Variants in EPHA3 observed in about 807,000 individuals in gnomAD.
The protein encoded by EPHA3 is EPH receptor A3, also known as ephrin type-A receptor 3.
EPHA3 carries 42 observed loss-of-function variants against 107.1 expected under a neutral mutation model. The ratio of observed to expected loss-of-function variants is 0.39; its 90% CI spans 0.31 to 0.51. EPHA3 has a LOEUF of 0.51. EPHA3 is among the 20% of genes least tolerant of loss of function. The pLI is 0.78. For missense variants in EPHA3, 1,183 were observed against 1,211.2 expected (o/e 0.98, Z 0.35); for synonymous variants, 461 against 424.8 (o/e 1.09, Z -1.05).
intron 5 of EPHA3, among the ~76,000 whole-genome samples, chr3:89,351,291 T>G (rs369345762): frequency 1.3e-5 from 2 of 149,964 alleles, no homozygotes; most frequent in African/African-American, 4.9e-5. Context: ...TAGGACCCTC[T>G]GAGCCAGGTG....
At chr3:89,236,376 T>C (rs1704761212) in intron 3 of EPHA3, among the ~76,000 whole-genome samples, 1 of 138,520 alleles carries the variant, frequency 7.2e-6, no homozygotes. Flanking sequence ...AATGAATTAC[T>C]ACACTACAAT....
chr3:89,481,222 T>C lies in EPHA3; in HGVS notation c.*1720T>C. On this transcript the variant is annotated 3_prime_UTR_variant, in exon 17 of 17. Transcript: ENST00000336596. Reference sequence around the variant, plus strand: ...GCAAATCAAAACTCACAAGTGCTCATCTGTTGTAGATTTAGTGTAATAAGA... The same window carrying C: ...GCAAATCAAAACTCACAAGTGCTCACCTGTTGTAGATTTAGTGTAATAAGA... 4.3e-6 allele frequency: 1 copy of C among 232,300 alleles called. No individual in the cohort carries two copies. The highest frequency in any genetic ancestry group is 8.5e-6 in the Non-Finnish European group (1 of 117,454). The allele number at this position is 232,300 out of a possible 1,614,324, so 14.4% of individuals were successfully genotyped here. A position where few individuals can be genotyped will look rare whatever the true frequency, so the allele number is the denominator to read the frequency against.
At chr3:89,157,954 A>C (rs1321307780) in intron 2 of EPHA3, among the ~76,000 whole-genome samples, 2 of 151,926 alleles carry the variant, frequency 1.3e-5, no homozygotes, top group African/African-American at 4.8e-5. Flanking sequence ...AACCCTGAGA[A>C]AGTGAGATAA....
intron 3 of EPHA3, among the ~76,000 whole-genome samples, chr3:89,211,725 TTTCTTCTTCTTCTTCTCCTTCTTC>T (rs200618366): frequency 0.15 from 17,190 of 111,958 alleles, 2,600 homozygotes; most frequent in Admixed American, 0.18. Context: ...TCTTCTTCTT[TTTCTTCTTCTTCTTCTCCTTCTTC>T]TTCTTCTTCT....
intron 2 of EPHA3, among the ~76,000 whole-genome samples, chr3:89,145,762 A>G (rs1576182108): frequency 6.6e-6 from 1 of 150,796 alleles, no homozygotes; most frequent in African/African-American, 2.4e-5. Context: ...TTCCTGAGGA[A>G]TTTTTTTTTC....
intron 2 of EPHA3, among the ~76,000 whole-genome samples, chr3:89,176,497 T>TA (rs55877149): frequency 0.035 from 3,512 of 100,464 alleles, 141 homozygotes; most frequent in African/African-American, 0.11. Flanking sequence ...ATTCCATCTC[T>TA]AAAAAAAAAA....
chr3:89,114,700 A>G (rs1707212541), intron 1 of EPHA3, among the ~76,000 whole-genome samples: 1 of 151,900 alleles, frequency 6.6e-6, no homozygotes, highest in Admixed American at 6.6e-5. Context: ...TAGCGAGCGG[A>G]GAGCGAAGGT....
In EPHA3 at chr3:89,236,238, C is replaced by CA. The variant is rs1235843921; in HGVS notation, c.814+25724dup. On this transcript the variant is annotated intron_variant, in intron 3 of 16. Transcript: ENST00000336596. ...TTTCTTCTCCTAAATATATACCCCC[C>CA]AAAAAACCCTTGCATATGTTTAGCA... 8.6e-5 allele frequency among the ~76,000 whole-genome samples: 13 copies of CA among 151,816 alleles called. No individual in the cohort carries two copies. In the East Asian group the frequency reaches 2.5e-3, roughly 29 times the overall value.
rs536885388 is a variant in EPHA3, at chr3:89,232,852, T to A, written c.814+22332T>A. On this transcript the variant is annotated intron_variant, in intron 3 of 16. Coordinates refer to ENST00000336596, the MANE Select transcript of EPHA3 (RefSeq NM_005233.6). ...CCTATCATTCATTGAGGTCATTTCT[T>A]GTACCAAAATTAGAAAGATAACAGG... is the stretch of plus-strand genomic sequence containing the variant. 1.6e-3 allele frequency among the ~76,000 whole-genome samples: 243 copies of A among 152,320 alleles called. 1 individual carries two copies. The highest frequency in any genetic ancestry group is 5.7e-3 in the African/African-American group (235 of 41,578).
intron 6 of EPHA3, among the ~76,000 whole-genome samples, chr3:89,397,738 C>A (rs568838057): frequency 2.0e-5 from 3 of 152,174 alleles, no homozygotes; most frequent in Non-Finnish European, 4.4e-5. Context: ...CATGCGCCAC[C>A]ATGCCCAACT....
chr3:89,205,577 T>C (rs533886943), intron 2 of EPHA3, among the ~76,000 whole-genome samples: 3 of 152,238 alleles, frequency 2.0e-5, no homozygotes, highest in African/African-American at 7.2e-5. Context: ...GGTCTAATAA[T>C]TAAAGCTTAA....
chr3:89,279,599 TTTGGCTAA>T (rs1233030252), intron 3 of EPHA3, among the ~76,000 whole-genome samples: 1 of 152,276 alleles, frequency 6.6e-6, no homozygotes, highest in Middle Eastern at 3.4e-3. Context: ...AATGTAAAAC[TTTGGCTAA>T]TTGATTTTTT....
chr3:89,471,042 G>A (rs1055841094), intron 15 of EPHA3, among the ~76,000 whole-genome samples: 1 of 151,950 alleles, frequency 6.6e-6, no homozygotes, highest in African/African-American at 2.4e-5. Flanking sequence ...AAAACTAAAG[G>A]CTTTTATAAC....
chr3:89,143,402 C>T (rs1354012462), intron 2 of EPHA3, among the ~76,000 whole-genome samples: 1 of 151,074 alleles, frequency 6.6e-6, no homozygotes, highest in African/African-American at 2.4e-5. Flanking sequence ...GCACTTTTTC[C>T]CTAGATATTT....
chr3:89,183,405 G>A (rs1339243634), intron 2 of EPHA3, among the ~76,000 whole-genome samples: 1 of 151,784 alleles, frequency 6.6e-6, no homozygotes, highest in Non-Finnish European at 1.5e-5. Flanking sequence ...TCTCATGGCT[G>A]CAATTAGATC....
Position 89,216,200 on chromosome 3 carries a change from A to G in EPHA3, c.814+5680A>G, listed in dbSNP as rs1704220581. ...GGTTAATCTTCCCAGGACAGTATTC[A>G]CTATGAGCATCTGAGGCATCAGAAA... On this transcript the variant is annotated intron_variant, in intron 3 of 16. Coordinates refer to ENST00000336596, the MANE Select transcript of EPHA3 (RefSeq NM_005233.6). Among the ~76,000 whole-genome samples, 4 of 151,966 alleles carry G rather than the reference A, an allele frequency of 2.6e-5. No individual in the cohort carries two copies. The South Asian group carries it at 8.3e-4, about 31-fold the overall frequency.
At chr3:89,447,850 C>T (rs1216597158) in intron 13 of EPHA3, among the ~76,000 whole-genome samples, 2 of 152,108 alleles carry the variant, frequency 1.3e-5, no homozygotes, top group Non-Finnish European at 2.9e-5. Context: ...AACTTGTCCC[C>T]TAAATTGCTA....
At position 89,225,235 on chromosome 3, in the gene EPHA3, G is replaced by GA. The variant is rs1369548259; in HGVS notation, c.814+14723dup. On this transcript the variant is annotated intron_variant, in intron 3 of 16. Transcript: ENST00000336596. ...ACTGCTTCGATGCCTGTAATGATCA[G>GA]AAAAAAAATGCCTTTATAATCCAGT... Among the ~76,000 whole-genome samples, 11 of 151,798 alleles carry GA rather than the reference G, an allele frequency of 7.2e-5. No individual in the cohort carries two copies. The East Asian group carries it at 1.2e-3, about 16-fold the overall frequency.
chr3:89,445,892 T>C (rs1709868208), intron 13 of EPHA3, among the ~76,000 whole-genome samples: 1 of 152,128 alleles, frequency 6.6e-6, no homozygotes, highest in African/African-American at 2.4e-5. Context: ...TTGTTAAAAA[T>C]TAGTACGAAG....
Sources: gnomAD v4.1 joint callset for allele counts (sites outside exome capture counted in the v4.1 genomes callset) on GRCh38, gnomAD v4.1.1 for gene constraint, MANE v1.5 for transcripts, NCBI Gene and HGNC (gene_info 2026-07-23, HGNC 2026-07-21) for gene names.